GAS2: variants seen among roughly 807,000 people sequenced by gnomAD.
GAS2 encodes growth arrest-specific protein 2.
GAS2 carries 20 observed loss-of-function variants against 37.5 expected under a neutral mutation model. The observed-to-expected ratio is 0.53, with a 90% CI of 0.37 to 0.77. The LOEUF (loss-of-function observed/expected upper bound fraction) is 0.77. Ranked by LOEUF, GAS2 falls within the 30% of genes least tolerant of loss-of-function variation. The pLI, the probability that GAS2 is intolerant of heterozygous loss-of-function variation, is 0.00. For missense variants in GAS2, 336 were observed against 373.4 expected (o/e 0.90, Z 0.82); for synonymous variants, 144 against 132.2 (o/e 1.09, Z -0.61).
At chr11:22,763,625 ACACACAC>A (rs879274991) in intron 7 of GAS2, among the ~76,000 whole-genome samples, 2,149 of 22,010 alleles carry the variant, frequency 0.098, 21 homozygotes, top group Middle Eastern at 0.21. Flanking sequence ...ATACACACAC[ACACACAC>A]ACACACACAC....
chr11:22,756,486 T>A (rs932183561), intron 7 of GAS2, among the ~76,000 whole-genome samples: 1 of 152,106 alleles, frequency 6.6e-6, no homozygotes, highest in Non-Finnish European at 1.5e-5. Flanking sequence ...TTTTGTAGAA[T>A]AGAATGATTT....
chr11:22,682,830 G>A (rs950722035), intron 2 of GAS2, among the ~76,000 whole-genome samples: 16 of 123,430 alleles, frequency 1.3e-4, no homozygotes, highest in African/African-American at 4.5e-4. Flanking sequence ...TGACGAGATC[G>A]CACCACTGCA....
At chr11:22,772,494 T>C (rs1203013118) in intron 7 of GAS2, among the ~76,000 whole-genome samples, 1 of 152,166 alleles carries the variant, frequency 6.6e-6, no homozygotes, top group Non-Finnish European at 1.5e-5. Flanking sequence ...ACTAGAGAGA[T>C]GGTGTGGCAT....
intron 4 of GAS2, among the ~76,000 whole-genome samples, chr11:22,730,896 T>C (rs1852439448): frequency 6.6e-6 from 1 of 151,812 alleles, no homozygotes; most frequent in Non-Finnish European, 1.5e-5. Flanking sequence ...TTTTCAAATG[T>C]TCATTTAAAT....
rs2133853325 is a variant in GAS2, at chr11:22,666,913, G to C, written c.-21+14G>C. 6.6e-6 allele frequency: 1 copy of C among 152,446 alleles called. No individual in the cohort carries two copies. 9.4% of individuals were successfully genotyped at this position (152,446 alleles called of 1,614,324 possible). On this transcript the variant is annotated intron_variant, in intron 1 of 7. Coordinates refer to ENST00000454584, the MANE Select transcript of GAS2 (RefSeq NM_001143830.3). The stretch of plus-strand genomic sequence containing the variant: ...CGGGACGCGGGGGTGAGCACGACTG[G>C]CTGGCCCAGTTCTGCGCCAACGCCG...
At chr11:22,690,772 TC>T (rs1480503971) in intron 3 of GAS2, among the ~76,000 whole-genome samples, 2 of 152,154 alleles carry the variant, frequency 1.3e-5, no homozygotes, top group Non-Finnish European at 2.9e-5. Context: ...GCATCTCTAA[TC>T]AAGACAGGGG....
At chr11:22,807,366 G>A (rs16910194) in intron 7 of GAS2, among the ~76,000 whole-genome samples, 28,281 of 152,134 alleles carry the variant, frequency 0.19, 3,146 homozygotes, top group African/African-American at 0.31. Flanking sequence ...TAAGGTGTCC[G>A]TATAAGGCAG....
In GAS2 at chr11:22,802,836, C is replaced by T. The variant is rs146913098; in HGVS notation, c.724-8962C>T. Among the ~76,000 whole-genome samples the T allele has an allele frequency of 7.4e-3, 1,119 of 152,188 alleles. 9 individuals carry two copies. The highest frequency in any genetic ancestry group is 0.011 in the Non-Finnish European group (744 of 68,000). On this transcript the variant is annotated intron_variant, in intron 7 of 7. Transcript: ENST00000454584. Reference sequence around the variant, plus strand: ...TGTAAGATTTTAATACAGATTTTTACTGTACTTTTTCTATGTTTGGATATC... The same window carrying T: ...TGTAAGATTTTAATACAGATTTTTATTGTACTTTTTCTATGTTTGGATATC...
At chr11:22,651,656 C>T (rs188468820) in intron 1 of GAS2, among the ~76,000 whole-genome samples, 2 of 152,306 alleles carry the variant, frequency 1.3e-5, no homozygotes, top group East Asian at 3.9e-4. Flanking sequence ...CTTCTTACTT[C>T]ATTTCATTCA....
chr11:22,800,960 C>T (rs182309892), intron 7 of GAS2, among the ~76,000 whole-genome samples: 50 of 150,964 alleles, frequency 3.3e-4, no homozygotes, highest in Non-Finnish European at 4.9e-4. Context: ...ATATTTTTTT[C>T]TGGCTCTCCT....
intron 5 of GAS2, among the ~76,000 whole-genome samples, chr11:22,747,971 A>C (rs1853503167): frequency 6.6e-6 from 1 of 151,940 alleles, no homozygotes; most frequent in Admixed American, 6.6e-5. Flanking sequence ...ATAAGCAGTT[A>C]GAATAGGACA....
At chr11:22,665,056 T>A (rs1315459776), upstream of GAS2, among the ~76,000 whole-genome samples, 7 of 152,068 alleles carry the variant, frequency 4.6e-5, no homozygotes, top group Non-Finnish European at 7.4e-5. Context: ...TAATTTTGAA[T>A]GATTATGCTT....
At chr11:22,649,650 G>C (rs181701282) in intron 1 of GAS2, among the ~76,000 whole-genome samples, 1 of 152,212 alleles carries the variant, frequency 6.6e-6, no homozygotes, top group Admixed American at 6.5e-5. Flanking sequence ...TCTTGGGAGA[G>C]CGTATGTGTC....
At chr11:22,673,368 G>A (rs1370102286) in intron 1 of GAS2, among the ~76,000 whole-genome samples, 1 of 152,102 alleles carries the variant, frequency 6.6e-6, no homozygotes. Context: ...TTACTTATTG[G>A]TAACTTTAAA....
rs553946554 is a variant in GAS2, at chr11:22,741,717, G to A, written c.473+3949G>A. ...CTGACCCATCCTATTTAAAGCACTTGAACTAACTGCTGAGAACATCATATA... is the reference window on the plus strand; with the variant it reads ...CTGACCCATCCTATTTAAAGCACTTAAACTAACTGCTGAGAACATCATATA... On this transcript the variant is annotated intron_variant, in intron 5 of 7. Transcript: ENST00000454584. 9.9e-5 allele frequency among the ~76,000 whole-genome samples: 15 copies of A among 152,146 alleles called. No homozygotes were observed. The South Asian group carries it at 3.1e-3, about 32-fold the overall frequency.
rs967101422 is a variant in GAS2 at position 22,777,338 on chromosome 11, C to T, written c.723+21385C>T. 7.9e-5 allele frequency among the ~76,000 whole-genome samples: 12 copies of T among 152,084 alleles called. No individual in the cohort carries two copies. The East Asian group carries it at 1.2e-3, about 15-fold the overall frequency. ...TAGAAGCCATGGCTTCAGACCTCAACGATCAGTTTAAGAAAGACTCAAGAG... is the reference window on the plus strand; with the variant it reads ...TAGAAGCCATGGCTTCAGACCTCAATGATCAGTTTAAGAAAGACTCAAGAG... On this transcript the variant is annotated intron_variant, in intron 7 of 7. Transcript: ENST00000454584.
chr11:22,690,857 G>A (rs12789246), intron 3 of GAS2, among the ~76,000 whole-genome samples: 32,061 of 151,988 alleles, frequency 0.21, 3,421 homozygotes, highest in South Asian at 0.26. Context: ...CCTTCCTATT[G>A]TATATTTGCT....
intron 1 of GAS2, among the ~76,000 whole-genome samples, chr11:22,628,579 T>C (rs1858695751): frequency 6.6e-6 from 1 of 152,360 alleles, no homozygotes; most frequent in African/African-American, 2.4e-5. Flanking sequence ...GGTGAAGTTT[T>C]CAAATATTGT....
intron 7 of GAS2, among the ~76,000 whole-genome samples, chr11:22,805,188 TA>T (rs1182871915): frequency 6.6e-6 from 1 of 152,088 alleles, no homozygotes; most frequent in Non-Finnish European, 1.5e-5. Flanking sequence ...ATATCTTTTT[TA>T]AAAAAGAATT....
Sources: gnomAD v4.1 joint callset for allele counts (sites outside exome capture counted in the v4.1 genomes callset) on GRCh38, gnomAD v4.1.1 for gene constraint, MANE v1.5 for transcripts, NCBI Gene and HGNC (gene_info 2026-07-23, HGNC 2026-07-21) for gene names.